Variants in PLGRKT observed in about 807,000 individuals in gnomAD.
PLGRKT encodes plasminogen receptor with a C-terminal lysine.
PLGRKT carries 22 observed loss-of-function variants against 18.5 expected under a neutral mutation model. The observed-to-expected ratio is 1.19, with a 90% CI of 0.85 to 1.70. PLGRKT has a LOEUF of 1.70. PLGRKT is among the 40% of genes most tolerant of loss of function. PLGRKT has a pLI of 0.00. For synonymous variants in PLGRKT, 72 were observed against 52.8 expected, an observed-to-expected ratio of 1.36 and a Z score of -1.58; for missense variants, 235 against 174.4, an observed-to-expected ratio of 1.35 and a Z score of -1.96.
intron 3 of PLGRKT, among the ~76,000 whole-genome samples, chr9:5,388,697 G>C (rs1817891062): frequency 6.6e-6 from 1 of 152,000 alleles, no homozygotes; most frequent in Non-Finnish European, 1.5e-5. Flanking sequence ...CTCTTGGCCT[G>C]TTCTGTAATT....
chr9:5,421,793 C>A (rs912157793), intron 3 of PLGRKT, among the ~76,000 whole-genome samples: 6 of 152,154 alleles, frequency 3.9e-5, no homozygotes, highest in African/African-American at 9.7e-5. Context: ...AGCAACCTCC[C>A]TACAATCAAG....
At chr9:5,433,707 C>T (rs1244701590) in intron 2 of PLGRKT, among the ~76,000 whole-genome samples, 25 of 135,506 alleles carry the variant, frequency 1.8e-4, no homozygotes, top group African/African-American at 5.2e-4. Flanking sequence ...AAGTGAGGAG[C>T]GTCTCTGCCT....
chr9:5,382,636 T>G (rs1817768948), intron 3 of PLGRKT, among the ~76,000 whole-genome samples: 1 of 152,172 alleles, frequency 6.6e-6, no homozygotes, highest in Admixed American at 6.5e-5. Context: ...GATGTTAGAC[T>G]TCGTGGGGAG....
At chr9:5,423,932 TATTA>T (rs1390101376) in intron 3 of PLGRKT, among the ~76,000 whole-genome samples, 4 of 143,388 alleles carry the variant, frequency 2.8e-5, no homozygotes, top group African/African-American at 1.1e-4. Context: ...ACCTGTTATA[TATTA>T]TATATAGTAA....
intron 3 of PLGRKT, among the ~76,000 whole-genome samples, chr9:5,389,375 T>G (rs778824835): frequency 3.9e-5 from 6 of 151,930 alleles, no homozygotes; most frequent in Non-Finnish European, 7.3e-5. Flanking sequence ...AGCATGGTCT[T>G]GTCTGATGGT....
rs1269948438 is a variant in PLGRKT at position 5,418,843 on chromosome 9, T to A, written c.81+13054A>T. The A allele has an allele frequency of 1.9e-6, 2 of 1,067,698 alleles. No individual in the cohort carries two copies. The highest frequency in any genetic ancestry group is 1.6e-5 in the African/African-American group (1 of 64,166). The allele number at this position is 1,067,698 out of a possible 1,614,324, so 66.1% of individuals were successfully genotyped here. Reference sequence around the variant, plus strand: ...GCACCAGGGGCATCGCACATCCTTCTGGCTGGTCCTCGTCTGCTGGAGGCA... The same window carrying A: ...GCACCAGGGGCATCGCACATCCTTCAGGCTGGTCCTCGTCTGCTGGAGGCA... On this transcript the variant is annotated intron_variant, in intron 3 of 5. Coordinates refer to ENST00000223864, the MANE Select transcript of PLGRKT (RefSeq NM_018465.4). This position sits in a 1 kb window ranked among gnomAD's most constrained non-coding sequence, Gnocchi z 4.2.
intron 3 of PLGRKT, among the ~76,000 whole-genome samples, chr9:5,382,405 G>T (rs140892152): frequency 9.2e-5 from 14 of 152,196 alleles, no homozygotes; most frequent in Admixed American, 5.2e-4. Flanking sequence ...AGATCTATAG[G>T]AGTTAGCCAG....
At chr9:5,372,181 A>G (rs1041350319) in intron 3 of PLGRKT, among the ~76,000 whole-genome samples, 1 of 151,738 alleles carries the variant, frequency 6.6e-6, no homozygotes, top group East Asian at 1.9e-4. Context: ...GGGTTTCACC[A>G]TGTTGGCCAG....
chr9:5,413,605 C>T (rs903888220), intron 3 of PLGRKT, among the ~76,000 whole-genome samples: 8 of 152,214 alleles, frequency 5.3e-5, no homozygotes, highest in African/African-American at 1.9e-4. Flanking sequence ...CCTCTAGAAA[C>T]TAAAAAAGGC....
intron 3 of PLGRKT, among the ~76,000 whole-genome samples, chr9:5,398,803 G>T (rs570041547): frequency 1.2e-4 from 19 of 152,028 alleles, no homozygotes; most frequent in African/African-American, 4.6e-4. Context: ...CCACCAAGTA[G>T]TGATGGGGTC....
intron 3 of PLGRKT, among the ~76,000 whole-genome samples, chr9:5,395,826 A>AT (rs1009847374): frequency 6.7e-5 from 10 of 148,676 alleles, no homozygotes; most frequent in Non-Finnish European, 1.0e-4. Context: ...AAAAAGGTGG[A>AT]TTTTTTTTAT....
At chr9:5,407,971 A>C (rs1023536885) in intron 3 of PLGRKT, among the ~76,000 whole-genome samples, 6 of 152,186 alleles carry the variant, frequency 3.9e-5, no homozygotes, top group Non-Finnish European at 4.4e-5. Context: ...TTCATTGCCT[A>C]ATCTGTATAT....
At chr9:5,431,062 A>G (rs535499774) in intron 3 of PLGRKT, among the ~76,000 whole-genome samples, 1 of 152,286 alleles carries the variant, frequency 6.6e-6, no homozygotes, top group African/African-American at 2.4e-5. Flanking sequence ...GAAGTCCAAA[A>G]TGGGCTGGCA....
intron 3 of PLGRKT, among the ~76,000 whole-genome samples, chr9:5,401,450 G>A (rs1389348551): frequency 4.0e-5 from 6 of 151,886 alleles, no homozygotes; most frequent in Non-Finnish European, 1.5e-5. Flanking sequence ...GCAATAGAGA[G>A]AATTTGTAAT....
At chr9:5,408,463 T>C (rs1818298141) in intron 3 of PLGRKT, among the ~76,000 whole-genome samples, 1 of 152,244 alleles carries the variant, frequency 6.6e-6, no homozygotes, top group Admixed American at 6.5e-5. Context: ...AAGAAATTTC[T>C]AACCAGCAAA....
chr9:5,433,521 G>A lies in PLGRKT; in HGVS notation c.-6-1538C>T, dbSNP rs1282442958. On this transcript the variant is annotated intron_variant, in intron 2 of 5. Transcript: ENST00000223864. Reference sequence around the variant, plus strand: ...ACCCATCGTCTGGGATGTGAGGAGCGCCTTTGCCCGGCCGCCCCGTCTGGG... The same window carrying A: ...ACCCATCGTCTGGGATGTGAGGAGCACCTTTGCCCGGCCGCCCCGTCTGGG... 7.6e-5 allele frequency among the ~76,000 whole-genome samples: 11 copies of A among 145,442 alleles called. No individual in the cohort carries two copies. In the East Asian group the frequency reaches 8.5e-4, roughly 11 times the overall value.
At chr9:5,387,231 C>A (rs758993907) in intron 3 of PLGRKT, among the ~76,000 whole-genome samples, 1 of 151,774 alleles carries the variant, frequency 6.6e-6, no homozygotes, top group Non-Finnish European at 1.5e-5. Context: ...AGCTTTTACT[C>A]CGAAAAAGAT....
At chr9:5,422,913 T>C (rs1198359705) in intron 3 of PLGRKT, among the ~76,000 whole-genome samples, 1 of 152,206 alleles carries the variant, frequency 6.6e-6, no homozygotes, top group Non-Finnish European at 1.5e-5. Flanking sequence ...AGTATTTCTT[T>C]CTAAATTGAC....
rs1315031485 is a variant in PLGRKT, at chr9:5,437,890, G to C, written c.-234C>G. On this transcript the variant is annotated 5_prime_UTR_variant, in exon 1 of 6. Transcript: ENST00000223864. Reference sequence around the variant, plus strand: ...ACCGGGCCTCGCTCCGCCCAGCGTCGGGATTGGCGCCCAGACACAGTAGAT... The same window carrying C: ...ACCGGGCCTCGCTCCGCCCAGCGTCCGGATTGGCGCCCAGACACAGTAGAT... 2 of 152,256 alleles carry C rather than the reference G, an allele frequency of 1.3e-5. No individual in the cohort carries two copies. Among genetic ancestry groups the C allele is most frequent in the East Asian group, 3.8e-4 (2 of 5,204 alleles). The allele number at this position is 152,256 out of a possible 1,614,324, so 9.4% of individuals were successfully genotyped here.
Sources: gnomAD v4.1 joint callset for allele counts (sites outside exome capture counted in the v4.1 genomes callset) on GRCh38, gnomAD v4.1.1 for gene constraint, Gnocchi (gnomAD v3.1) non-coding constraint, MANE v1.5 for transcripts, NCBI Gene and HGNC (gene_info 2026-07-23, HGNC 2026-07-21) for gene names.